Variants in LRMDA observed in about 807,000 individuals in gnomAD.
LRMDA encodes leucine rich melanocyte differentiation associated.
Under a neutral mutation model 29.8 loss-of-function variants are expected in LRMDA, and 18 were observed. That is an observed-to-expected ratio of 0.60 (90% CI 0.42 to 0.90). LRMDA has a LOEUF of 0.90. Ranked by LOEUF, LRMDA falls within the 40% of genes least tolerant of loss-of-function variation. LRMDA has a pLI of 0.00. For synonymous variants in LRMDA, 125 were observed against 109.4 expected (o/e 1.14, Z -0.89); for missense variants, 273 against 273.9 (o/e 1.00, Z 0.02).
chr10:75,477,042 G>A (rs1000372234), intron 2 of LRMDA, among the ~76,000 whole-genome samples: 1 of 151,256 alleles, frequency 6.6e-6, no homozygotes, highest in Non-Finnish European at 1.5e-5. Flanking sequence ...TCAGGCTGGA[G>A]TACAGTGGCG....
At chr10:75,936,704 T>C (rs1376956098) in intron 2 of LRMDA, among the ~76,000 whole-genome samples, 2 of 152,164 alleles carry the variant, frequency 1.3e-5, no homozygotes, top group Non-Finnish European at 2.9e-5. Context: ...CGACGTCATA[T>C]TGTGTCTTCA....
chr10:76,404,967 C>G (rs1589168584), intron 6 of LRMDA, among the ~76,000 whole-genome samples: 1 of 152,146 alleles, frequency 6.6e-6, no homozygotes, highest in Non-Finnish European at 1.5e-5. Flanking sequence ...GAAATGCAGG[C>G]AGCCTCTAGA....
intron 5 of LRMDA, among the ~76,000 whole-genome samples, chr10:76,266,138 A>T (rs1019487381): frequency 1.3e-5 from 2 of 152,176 alleles, no homozygotes; most frequent in Non-Finnish European, 2.9e-5. Context: ...AGTTGTTGGG[A>T]GGATTAACCG....
chr10:75,641,176 G>A (rs1286926579), intron 2 of LRMDA, among the ~76,000 whole-genome samples: 1 of 152,170 alleles, frequency 6.6e-6, no homozygotes, highest in Admixed American at 6.5e-5. Context: ...AAGAGATGAA[G>A]TGACTTGCTT....
At chr10:75,934,313 G>T (rs1441900065) in intron 2 of LRMDA, among the ~76,000 whole-genome samples, 4 of 152,080 alleles carry the variant, frequency 2.6e-5, no homozygotes, top group Admixed American at 6.5e-5. Flanking sequence ...TTTGGTAAAA[G>T]GATGGAGACA....
At chr10:75,508,863 T>C (rs1845195792) in intron 2 of LRMDA, among the ~76,000 whole-genome samples, 1 of 152,130 alleles carries the variant, frequency 6.6e-6, no homozygotes, top group South Asian at 2.1e-4. Flanking sequence ...CTTGTAACAG[T>C]CCCCCAGCAA....
intron 2 of LRMDA, among the ~76,000 whole-genome samples, chr10:75,453,167 C>A (rs76674313): frequency 2.0e-3 from 302 of 152,270 alleles, no homozygotes; most frequent in Non-Finnish European, 3.5e-3. Flanking sequence ...TTGTATACCT[C>A]CAACAGGGCA....
intron 2 of LRMDA, among the ~76,000 whole-genome samples, chr10:75,863,381 C>G (rs1844965250): frequency 6.6e-6 from 1 of 152,180 alleles, no homozygotes; most frequent in Non-Finnish European, 1.5e-5. Flanking sequence ...GTGGAGCATT[C>G]ATTGGCACCC....
chr10:75,809,575 T>C (rs1589214056), intron 2 of LRMDA, among the ~76,000 whole-genome samples: 1 of 151,910 alleles, frequency 6.6e-6, no homozygotes, highest in Non-Finnish European at 1.5e-5. Context: ...ACCCAGGAGG[T>C]GGAGGTTGCA....
intron 5 of LRMDA, among the ~76,000 whole-genome samples, chr10:76,078,602 G>A (rs748090886): frequency 2.0e-5 from 3 of 152,082 alleles, no homozygotes; most frequent in Admixed American, 6.5e-5. Context: ...TTGGGAAGCT[G>A]AGACGGGTGG....
intron 2 of LRMDA, among the ~76,000 whole-genome samples, chr10:75,844,071 TA>T (rs1264380685): frequency 6.6e-6 from 1 of 152,154 alleles, no homozygotes; most frequent in Admixed American, 6.5e-5. Flanking sequence ...ATTGCTGCAT[TA>T]CTCTCTTTGA....
chr10:75,709,298 G>A (rs1842407042), intron 2 of LRMDA, among the ~76,000 whole-genome samples: 1 of 152,168 alleles, frequency 6.6e-6, no homozygotes. Flanking sequence ...CACTGGTGAT[G>A]AGGACTTTAC....
chr10:75,822,375 A>T (rs1333007482), intron 2 of LRMDA, among the ~76,000 whole-genome samples: 2 of 152,200 alleles, frequency 1.3e-5, no homozygotes, highest in African/African-American at 4.8e-5. Flanking sequence ...ATATAATTAA[A>T]ATTACCATAC....
chr10:75,904,864 G>A (rs1214076304), intron 2 of LRMDA, among the ~76,000 whole-genome samples: 1 of 152,124 alleles, frequency 6.6e-6, no homozygotes, highest in African/African-American at 2.4e-5. Flanking sequence ...TCTTAGAGAT[G>A]GAGTCTTGAA....
chr10:75,611,292 G>A (rs1352560544), intron 2 of LRMDA, among the ~76,000 whole-genome samples: 1 of 152,188 alleles, frequency 6.6e-6, no homozygotes, highest in Non-Finnish European at 1.5e-5. Context: ...CTGTGAGCAG[G>A]ACCTTGATCG....
At chr10:76,143,162 G>T (rs771856902) in intron 5 of LRMDA, among the ~76,000 whole-genome samples, 1 of 152,180 alleles carries the variant, frequency 6.6e-6, no homozygotes, top group African/African-American at 2.4e-5. Context: ...ACGTGTGCAT[G>T]TGTCTTTATA....
chr10:75,852,527 C>T (rs1310281985), intron 2 of LRMDA, among the ~76,000 whole-genome samples: 1 of 98,238 alleles, frequency 1.0e-5, no homozygotes, highest in Non-Finnish European at 2.6e-5. Flanking sequence ...AAAAGCAAAA[C>T]AACAACAACA....
intron 5 of LRMDA, among the ~76,000 whole-genome samples, chr10:76,202,601 A>G (rs1234968064): frequency 2.0e-5 from 3 of 152,164 alleles, no homozygotes; most frequent in Non-Finnish European, 2.9e-5. Context: ...TTGTGTCCAG[A>G]GAAAGCTATC....
intron 2 of LRMDA, among the ~76,000 whole-genome samples, chr10:75,734,231 A>G (rs1842733060): frequency 1.3e-5 from 2 of 152,166 alleles, no homozygotes; most frequent in South Asian, 2.1e-4. Context: ...AAATTAAACA[A>G]TAATAGAGCT....
Sources: allele counts gnomAD v4.1 joint callset (sites outside exome capture counted in the v4.1 genomes callset), GRCh38; gene constraint gnomAD v4.1.1; transcripts MANE v1.5; gene names NCBI Gene and HGNC (gene_info 2026-07-23, HGNC 2026-07-21).